The following SHISA6 variants were observed in gnomAD, a reference collection of about 807,000 sequenced individuals.
The protein encoded by SHISA6 is protein shisa-6.
Under a neutral mutation model 47.9 loss-of-function variants are expected in SHISA6, and 22 were observed. The observed-to-expected ratio is 0.46, with a 90% confidence interval of 0.33 to 0.66. The LOEUF (loss-of-function observed/expected upper bound fraction) is 0.66, where lower values mean the gene tolerates loss of function less well. Ranked by LOEUF, SHISA6 falls within the 30% of genes least tolerant of loss-of-function variation. The pLI is 0.02. For missense variants in SHISA6, 680 were observed against 764.6 expected, an observed-to-expected ratio of 0.89 and a Z score of 1.30; for synonymous variants, 388 against 337.8, an observed-to-expected ratio of 1.15 and a Z score of -1.63.
At chr17:11,515,562 G>A (rs1163674756) in intron 3 of SHISA6, among the ~76,000 whole-genome samples, 1 of 152,126 alleles carries the variant, frequency 6.6e-6, no homozygotes, top group Non-Finnish European at 1.5e-5. Context: ...GCTAAGCAAG[G>A]TGTGGTCTCA....
rs367709694 is a variant in SHISA6 at position 11,557,995 on chromosome 17, G to T, written c.1347G>T (p.Thr449=). Residue 449 remains threonine (T), a synonymous_variant, in exon 6 of 6, where the codon ACG becomes ACT. Transcript: ENST00000441885. ...TGTCCGACGAGCAGCTGCTCTCCAC[G>T]GAGCGCCTGCACTCCCAGGACCCGC... ...RILSDEQLLS[T]ERLHSQDPLL... is the part of the protein sequence containing the mutation. 1 of 1,551,336 alleles carries T rather than the reference G, an allele frequency of 6.4e-7. No homozygotes were observed. The highest frequency in any genetic ancestry group is 1.2e-5 in the South Asian group (1 of 84,006).
intron 3 of SHISA6, among the ~76,000 whole-genome samples, chr17:11,533,246 T>A (rs1390690708): frequency 6.6e-6 from 1 of 152,206 alleles, no homozygotes; most frequent in African/African-American, 2.4e-5. Flanking sequence ...CACTTGCATT[T>A]CTATAGTAGC....
At chr17:11,313,183 A>T (rs1292803227) in intron 2 of SHISA6, among the ~76,000 whole-genome samples, 1 of 152,262 alleles carries the variant, frequency 6.6e-6, no homozygotes, top group Non-Finnish European at 1.5e-5. Context: ...CTCATGCAGT[A>T]TCTGGTAGTG....
chr17:11,248,724 C>T (rs1198437425), intron 1 of SHISA6, among the ~76,000 whole-genome samples: 3 of 152,172 alleles, frequency 2.0e-5, no homozygotes, highest in Admixed American at 2.0e-4. Flanking sequence ...CTAATCTAAG[C>T]ATAATCCTTT....
intron 3 of SHISA6, among the ~76,000 whole-genome samples, chr17:11,467,577 G>T (rs1026748379): frequency 2.6e-5 from 4 of 152,268 alleles, no homozygotes; most frequent in African/African-American, 9.6e-5. Flanking sequence ...CAAATCTAAT[G>T]CACTTAAGAG....
intron 3 of SHISA6, among the ~76,000 whole-genome samples, chr17:11,424,722 G>A (rs1914556387): frequency 6.6e-6 from 1 of 151,994 alleles, no homozygotes; most frequent in South Asian, 2.1e-4. Flanking sequence ...AAAAAAAACA[G>A]GCCAGGCAGG....
intron 2 of SHISA6, among the ~76,000 whole-genome samples, chr17:11,264,900 A>G (rs1216340568): frequency 2.6e-5 from 4 of 152,246 alleles, no homozygotes; most frequent in African/African-American, 7.2e-5. Flanking sequence ...ATACATATTC[A>G]TATTCAATCA....
intron 3 of SHISA6, among the ~76,000 whole-genome samples, chr17:11,532,482 C>T (rs1037023127): frequency 7.2e-5 from 11 of 151,952 alleles, no homozygotes; most frequent in Non-Finnish European, 1.5e-4. Flanking sequence ...GCTGTGCGCG[C>T]GCGTGTGTGT....
chr17:11,372,688 G>A (rs762524646), intron 2 of SHISA6, among the ~76,000 whole-genome samples: 19 of 151,934 alleles, frequency 1.3e-4, no homozygotes, highest in Non-Finnish European at 2.5e-4. Context: ...AAGGGAAAAG[G>A]CCTTTATCTC....
At chr17:11,283,459 G>A (rs1199999319) in intron 2 of SHISA6, among the ~76,000 whole-genome samples, 1 of 152,152 alleles carries the variant, frequency 6.6e-6, no homozygotes, top group Non-Finnish European at 1.5e-5. Context: ...CTCTATTAAA[G>A]CACAGCCACT....
chr17:11,287,477 G>A (rs145824065), intron 2 of SHISA6, among the ~76,000 whole-genome samples: 153 of 151,330 alleles, frequency 1.0e-3, no homozygotes, highest in African/African-American at 3.6e-3. Context: ...CTTGAACCCG[G>A]GAGTTGGAGA....
intron 2 of SHISA6, among the ~76,000 whole-genome samples, chr17:11,281,214 G>C (rs1367309734): frequency 6.6e-6 from 1 of 152,048 alleles, no homozygotes; most frequent in African/African-American, 2.4e-5. Context: ...ATAACATACA[G>C]TCAAAGTGGT....
intron 2 of SHISA6, among the ~76,000 whole-genome samples, chr17:11,372,392 G>A (rs1912655891): frequency 6.6e-6 from 1 of 152,120 alleles, no homozygotes; most frequent in South Asian, 2.1e-4. Flanking sequence ...CTGGCACTGG[G>A]TATCATCAGA....
intron 2 of SHISA6, among the ~76,000 whole-genome samples, chr17:11,349,074 T>A (rs2142218980): frequency 6.6e-6 from 1 of 152,302 alleles, no homozygotes; most frequent in African/African-American, 2.4e-5. Flanking sequence ...TGGTCTGGGA[T>A]CCTTTGGTTT....
chr17:11,371,597 T>C (rs1467852602), intron 2 of SHISA6, among the ~76,000 whole-genome samples: 1 of 152,194 alleles, frequency 6.6e-6, no homozygotes, highest in African/African-American at 2.4e-5. Context: ...GGTATTAGTA[T>C]CTGTGTTTGA....
chr17:11,348,141 T>C (rs958466245), intron 2 of SHISA6, among the ~76,000 whole-genome samples: 1 of 152,126 alleles, frequency 6.6e-6, no homozygotes, highest in African/African-American at 2.4e-5. Context: ...ATGTTGAGAG[T>C]ACATATGGTG....
At chr17:11,349,317 A>G (rs1180775715) in intron 2 of SHISA6, among the ~76,000 whole-genome samples, 1 of 152,218 alleles carries the variant, frequency 6.6e-6, no homozygotes, top group Non-Finnish European at 1.5e-5. Context: ...TGGGCCAGAA[A>G]GAAACTATTT....
At chr17:11,358,051 A>G (rs1358478271) in intron 2 of SHISA6, among the ~76,000 whole-genome samples, 2 of 152,214 alleles carry the variant, frequency 1.3e-5, no homozygotes, top group Non-Finnish European at 2.9e-5. Flanking sequence ...TATACATAAC[A>G]TAAAATTTAC....
At chr17:11,388,623 T>C (rs1465103650) in intron 3 of SHISA6, among the ~76,000 whole-genome samples, 1 of 151,466 alleles carries the variant, frequency 6.6e-6, no homozygotes, top group African/African-American at 2.4e-5. Context: ...CCCTAAGTCT[T>C]ACCCTTAGGA....
Sources: allele counts gnomAD v4.1 joint callset (sites outside exome capture counted in the v4.1 genomes callset), GRCh38; gene constraint gnomAD v4.1.1; transcripts MANE v1.5; gene names NCBI Gene and HGNC (gene_info 2026-07-23, HGNC 2026-07-21).